Variants in SNX29 observed in about 807,000 individuals in gnomAD.
SNX29 encodes the protein sorting nexin-29.
In SNX29, 78 loss-of-function variants were observed where a neutral mutation model predicts 102.1. The observed-to-expected ratio is 0.76, with a 90% CI of 0.64 to 0.92. SNX29 has a LOEUF of 0.92. SNX29 is among the 40% of genes least tolerant of loss of function. The pLI is 0.00. For missense variants in SNX29, 1,280 were observed against 1,061.7 expected, an observed-to-expected ratio of 1.21 and a Z score of -2.86; for synonymous variants, 580 against 414.5, an observed-to-expected ratio of 1.40 and a Z score of -4.85.
rs1002972061 is a variant in SNX29, at chr16:12,222,545, G to C, written c.1678+22862G>C. Among the ~76,000 whole-genome samples the C allele has an allele frequency of 5.9e-5, 9 of 152,110 alleles. No individual in the cohort carries two copies. In the East Asian group the frequency reaches 1.3e-3, roughly 23 times the overall value. ...GAGTGGGGCTGGCTACTTCATATCT[G>C]GGTGAAGCTTCACAGTTTGCAGAGT... is the stretch of plus-strand genomic sequence containing the variant. On this transcript the variant is annotated intron_variant, in intron 14 of 20. Coordinates refer to ENST00000566228, the MANE Select transcript of SNX29 (RefSeq NM_032167.5).
At chr16:12,037,047 A>G (rs556312066) in intron 4 of SNX29, among the ~76,000 whole-genome samples, 1 of 152,088 alleles carries the variant, frequency 6.6e-6, no homozygotes, top group Non-Finnish European at 1.5e-5. Context: ...TCGCTACATT[A>G]TGGGGTGGAA....
At chr16:12,493,677 C>T (rs1471216981) in intron 19 of SNX29, among the ~76,000 whole-genome samples, 10 of 152,146 alleles carry the variant, frequency 6.6e-5, no homozygotes, top group South Asian at 2.1e-4. Flanking sequence ...CTGCAACCTC[C>T]GCTTCCTGGG....
At chr16:12,146,465 C>T (rs2055070474) in intron 13 of SNX29, among the ~76,000 whole-genome samples, 1 of 152,146 alleles carries the variant, frequency 6.6e-6, no homozygotes, top group African/African-American at 2.4e-5. Context: ...GGGGTTTTGC[C>T]ATGTTGGCCA....
chr16:12,568,390 C>G (rs959497726), intron 20 of SNX29, 116 bp from the exon 21 acceptor site: 13 of 1,372,758 alleles, frequency 9.5e-6, no homozygotes, highest in African/African-American at 2.9e-5. Flanking sequence ...ATCCAATGAG[C>G]CAGTCACAGT....
Position 12,493,411 on chromosome 16 carries a change from C to T in SNX29, c.2178+15552C>T, listed in dbSNP as rs559270373. ...GTATCCTGAGACTTTGCTGAAGTTG[C>T]TTATCAGCTTAAGGAGATTTTGGGC... On this transcript the variant is annotated intron_variant, in intron 19 of 20. Coordinates refer to ENST00000566228, the MANE Select transcript of SNX29 (RefSeq NM_032167.5). Among the ~76,000 whole-genome samples, 274 of 152,308 alleles carry T rather than the reference C, an allele frequency of 1.8e-3. 1 individual carries two copies. Among genetic ancestry groups the T allele is most frequent in the African/African-American group, 6.5e-3 (272 of 41,570 alleles).
At chr16:12,279,503 C>T (rs1295669974) in intron 15 of SNX29, among the ~76,000 whole-genome samples, 2 of 152,222 alleles carry the variant, frequency 1.3e-5, no homozygotes, top group South Asian at 2.1e-4. Flanking sequence ...GCTCTCTGCC[C>T]AGTGCTCTGC....
intron 14 of SNX29, among the ~76,000 whole-genome samples, chr16:12,221,317 A>G (rs1596544993): frequency 6.6e-6 from 1 of 152,274 alleles, no homozygotes; most frequent in East Asian, 1.9e-4. Flanking sequence ...GTTCCTGTCC[A>G]AAGGGTGACC....
At chr16:12,432,185 A>G (rs749369316) in intron 18 of SNX29, among the ~76,000 whole-genome samples, 7 of 152,218 alleles carry the variant, frequency 4.6e-5, no homozygotes, top group Non-Finnish European at 8.8e-5. Context: ...TGGGGCAGGA[A>G]TAGTCCTTGG....
chr16:12,372,257 T>G (rs1427583930), intron 16 of SNX29, among the ~76,000 whole-genome samples: 2 of 152,224 alleles, frequency 1.3e-5, no homozygotes, highest in Non-Finnish European at 1.5e-5. Flanking sequence ...GACTTCCTCC[T>G]CTTTCACACT....
At chr16:12,538,868 T>A (rs570968787) in intron 20 of SNX29, among the ~76,000 whole-genome samples, 2 of 151,538 alleles carry the variant, frequency 1.3e-5, no homozygotes, top group Non-Finnish European at 1.5e-5. Context: ...GAACGGTAGA[T>A]GGGGCCATTT....
At chr16:12,526,554 T>C (rs1302040003) in intron 20 of SNX29, 1 of 526,902 alleles carries the variant, frequency 1.9e-6, no homozygotes, top group Non-Finnish European at 3.7e-6. Context: ...TGCCAGGGAC[T>C]GGATCTCACT....
chr16:12,346,889 A>G (rs555709977), intron 15 of SNX29, among the ~76,000 whole-genome samples: 15 of 152,076 alleles, frequency 9.9e-5, no homozygotes, highest in African/African-American at 3.6e-4. Flanking sequence ...GCCTGTGTAT[A>G]TTCTGAAAGG....
At chr16:11,997,510 C>A (rs2056123703) in intron 1 of SNX29, among the ~76,000 whole-genome samples, 1 of 151,298 alleles carries the variant, frequency 6.6e-6, no homozygotes, top group Admixed American at 6.6e-5. Flanking sequence ...TAGGGCCTCA[C>A]TCTGTCACTC....
rs1351567449 is a variant in SNX29 at position 12,572,481 on chromosome 16, C to G, written c.*3852C>G. ...ATTTTGCCAACCCTGAGGACCAGTT[C>G]TTGGGGTTCCAGGCCTCGGCCTTCC... On this transcript the variant is annotated 3_prime_UTR_variant, in exon 21 of 21. Coordinates refer to ENST00000566228, the MANE Select transcript of SNX29 (RefSeq NM_032167.5). The G allele has an allele frequency of 5.6e-6, 6 of 1,063,758 alleles. No homozygotes were observed. The African/African-American group carries it at 8.2e-5, about 15-fold the overall frequency. 65.9% of individuals were successfully genotyped at this position (1,063,758 alleles called of 1,614,324 possible).
chr16:12,403,719 A>C (rs1421154750), intron 18 of SNX29, among the ~76,000 whole-genome samples, 190 bp downstream of exon 18: 2 of 152,160 alleles, frequency 1.3e-5, no homozygotes, highest in African/African-American at 4.8e-5. Context: ...GCAGGGGGAT[A>C]CGGTGGGCCT....
Position 12,008,731 on chromosome 16 carries a change from GTT to G in SNX29, c.122+5703_122+5704del, listed in dbSNP as rs57686878. ...AAATTTATTACATTAATTGTATTTA[GTT>G]TTTTTTTTTTTTTTCTTTTTTAACT... On this transcript the variant is annotated intron_variant, in intron 3 of 20. Transcript: ENST00000566228. 2.0e-3 allele frequency among the ~76,000 whole-genome samples: 285 copies of G among 139,948 alleles called. 1 individual carries two copies. The highest frequency in any genetic ancestry group is 3.2e-3 in the Non-Finnish European group (205 of 64,008). 91.8% of individuals were successfully genotyped at this position (139,948 alleles called of 152,430 possible). A position where few individuals can be genotyped will look rare whatever the true frequency, so the allele number is the denominator to read the frequency against.
At chr16:12,538,557 A>C (rs1033597895) in intron 20 of SNX29, among the ~76,000 whole-genome samples, 18 of 152,164 alleles carry the variant, frequency 1.2e-4, no homozygotes, top group African/African-American at 4.3e-4. Context: ...AGGAGGCTTA[A>C]CTGGTCTTAG....
At chr16:12,479,346 T>A (rs1047266485) in intron 19 of SNX29, among the ~76,000 whole-genome samples, 2 of 152,212 alleles carry the variant, frequency 1.3e-5, no homozygotes, top group African/African-American at 4.8e-5. Context: ...AGCAAGAGTT[T>A]CCATAACCCA....
chr16:12,390,507 C>G (rs980781887), intron 16 of SNX29, among the ~76,000 whole-genome samples: 8 of 152,114 alleles, frequency 5.3e-5, no homozygotes, highest in African/African-American at 1.7e-4. Context: ...TTCCTCTCCC[C>G]CTGTCACCTG....
Sources: allele counts gnomAD v4.1 joint callset (sites outside exome capture counted in the v4.1 genomes callset), GRCh38; gene constraint gnomAD v4.1.1; transcripts MANE v1.5; gene names NCBI Gene and HGNC (gene_info 2026-07-23, HGNC 2026-07-21).